FOCAD: variants seen among roughly 807,000 people sequenced by gnomAD.
FOCAD encodes the protein KIAA1797.
Under a neutral mutation model 225.6 loss-of-function variants are expected in FOCAD, and 198 were observed. That is an observed-to-expected ratio of 0.88 (90% CI 0.78 to 0.99). FOCAD has a LOEUF of 0.99. FOCAD is among the 50% of genes least tolerant of loss of function. The probability of loss-of-function intolerance (pLI) is 0.00; values close to 1 mark genes in which losing one functional copy is unlikely to be tolerated. For synonymous variants in FOCAD, 897 were observed against 755.0 expected (o/e 1.19, Z -3.08); for missense variants, 2,713 against 2,123.6 (o/e 1.28, Z -5.46).
chr9:20,716,465 G>A (rs1825345359), intron 2 of FOCAD, among the ~76,000 whole-genome samples: 1 of 152,112 alleles, frequency 6.6e-6, no homozygotes, highest in Admixed American at 6.5e-5. Context: ...GTTTAGGCTA[G>A]TATCTCTGAT....
intron 7 of FOCAD, among the ~76,000 whole-genome samples, chr9:20,765,300 T>C (rs1829962011): frequency 6.6e-6 from 1 of 152,186 alleles, no homozygotes; most frequent in Non-Finnish European, 1.5e-5. Flanking sequence ...TAAATCGACA[T>C]AGTCCATTCT....
chr9:20,832,195 A>G (rs1587340133), intron 15 of FOCAD, among the ~76,000 whole-genome samples: 1 of 151,842 alleles, frequency 6.6e-6, no homozygotes, highest in East Asian at 1.9e-4. Flanking sequence ...TTTTTGGTGT[A>G]TATCTAAGAG....
At chr9:20,674,983 G>C (rs1822190764) in intron 2 of FOCAD, among the ~76,000 whole-genome samples, 1 of 152,216 alleles carries the variant, frequency 6.6e-6, no homozygotes, top group Non-Finnish European at 1.5e-5. Flanking sequence ...GAAGCAGCAA[G>C]AGAACAAATT....
At chr9:20,837,348 C>G (rs1344589343) in intron 15 of FOCAD, among the ~76,000 whole-genome samples, 1 of 152,028 alleles carries the variant, frequency 6.6e-6, no homozygotes, top group Non-Finnish European at 1.5e-5. Context: ...AAAGATCAAA[C>G]AAGCTGGACA....
At chr9:20,767,617 T>C (rs1378270310) in intron 7 of FOCAD, among the ~76,000 whole-genome samples, 2 of 149,568 alleles carry the variant, frequency 1.3e-5, no homozygotes, top group Admixed American at 1.3e-4. Flanking sequence ...GCTGCATAAA[T>C]GTCTTCTTTT....
intron 1 of FOCAD, among the ~76,000 whole-genome samples, chr9:20,689,959 ACCTTTTCCTGGTCTTTGAATT>A (rs1394935074): frequency 6.6e-6 from 1 of 152,190 alleles, no homozygotes; most frequent in Non-Finnish European, 1.5e-5. Context: ...GCTTTGATGT[ACCTTTTCCTGGTCTTTGAATT>A]CCCAAAATAC....
chr9:20,852,940 T>C (rs1233067537), intron 15 of FOCAD, among the ~76,000 whole-genome samples: 5 of 151,766 alleles, frequency 3.3e-5, no homozygotes, highest in Admixed American at 2.0e-4. Context: ...TTATTTTCCT[T>C]TATTATCTTG....
intron 2 of FOCAD, among the ~76,000 whole-genome samples, chr9:20,717,592 A>G (rs1004073155): frequency 2.0e-5 from 3 of 152,218 alleles, no homozygotes; most frequent in Non-Finnish European, 4.4e-5. Context: ...TGGGATAGAT[A>G]TGCCTACCTT....
At chr9:20,923,894 G>A (rs1198441580) in intron 25 of FOCAD, 126 bp downstream of exon 25, 1 of 695,118 alleles carries the variant, frequency 1.4e-6, no homozygotes, top group Admixed American at 2.4e-5. Flanking sequence ...GTACTTGATG[G>A]GCCTTTATAC....
chr9:20,894,651 T>C (rs1831915759), intron 21 of FOCAD, among the ~76,000 whole-genome samples: 1 of 152,122 alleles, frequency 6.6e-6, no homozygotes, highest in Non-Finnish European at 1.5e-5. Context: ...TGTCTATTTC[T>C]TTGGCCCATT....
At chr9:20,733,654 G>A (rs201402215) in intron 4 of FOCAD, among the ~76,000 whole-genome samples, 162 of 152,158 alleles carry the variant, frequency 1.1e-3, no homozygotes, top group African/African-American at 3.6e-3. Context: ...ATGATTTCCA[G>A]TTTCATCCAT....
chr9:20,965,093 C>T (rs930163925), intron 35 of FOCAD, among the ~76,000 whole-genome samples: 28 of 151,968 alleles, frequency 1.8e-4, no homozygotes, highest in African/African-American at 6.3e-4. Flanking sequence ...GGAAGAACAC[C>T]GAAGCTTAAG....
At chr9:20,904,796 T>C (rs1285795154) in intron 21 of FOCAD, among the ~76,000 whole-genome samples, 3 of 152,044 alleles carry the variant, frequency 2.0e-5, no homozygotes, top group Admixed American at 6.6e-5. Context: ...TTTGAACTTA[T>C]TTTGTTGATT....
chr9:20,975,184 A>G (rs1840122546), intron 35 of FOCAD, among the ~76,000 whole-genome samples: 2 of 152,004 alleles, frequency 1.3e-5, no homozygotes, highest in African/African-American at 4.8e-5. Flanking sequence ...AATGTGTTAT[A>G]CTATTTCTGG....
intron 4 of FOCAD, among the ~76,000 whole-genome samples, chr9:20,733,298 T>C (rs1826864724): frequency 6.6e-6 from 1 of 152,124 alleles, no homozygotes; most frequent in Non-Finnish European, 1.5e-5. Flanking sequence ...GGTTATTTCA[T>C]TGTTTATTTC....
chr9:20,820,820 A>G (rs776023201), intron 13 of FOCAD, 121 bp from the exon 14 acceptor site: 2 of 1,073,316 alleles, frequency 1.9e-6, no homozygotes, highest in Non-Finnish European at 2.7e-6. Context: ...GATTAGAAGA[A>G]CGACAGTATA....
At chr9:20,836,174 G>A (rs929957367) in intron 15 of FOCAD, among the ~76,000 whole-genome samples, 1 of 152,060 alleles carries the variant, frequency 6.6e-6, no homozygotes, top group African/African-American at 2.4e-5. Flanking sequence ...CAAGGTTTTA[G>A]GGAGTTAGTG....
chr9:20,941,627 A>G (rs1836666207), intron 28 of FOCAD, among the ~76,000 whole-genome samples: 1 of 152,212 alleles, frequency 6.6e-6, no homozygotes, highest in Admixed American at 6.5e-5. Context: ...ATATACTCTG[A>G]TAATAGATTC....
Position 20,986,298 on chromosome 9 carries a change from A to C in FOCAD, c.4739A>C (p.Glu1580Ala), listed in dbSNP as rs1429376944. The C allele has an allele frequency of 1.9e-6, 1 of 533,580 alleles. No individual in the cohort carries two copies. The highest frequency in any genetic ancestry group is 2.5e-6 in the Non-Finnish European group (1 of 402,848). 33.1% of individuals were successfully genotyped at this position (533,580 alleles called of 1,614,324 possible). A position where few individuals can be genotyped will look rare whatever the true frequency, so the allele number is the denominator to read the frequency against. Residue 1580 changes from glutamate to alanine, a missense_variant, in exon 40 of 44, where the codon GAA becomes GCA. By Grantham distance (107) the Glu-to-Ala change is moderately radical. Transcript: ENST00000338382. The stretch of plus-strand genomic sequence containing the variant: ...TTTTTTTTTTTGCAGAGCAACATAG[A>C]AAAAGCTGCCTTTGTCAAACTGTAC... ...RIAQVTKSNI[E>A]KAAFVKLYLV... is the part of the protein sequence containing the mutation.
Sources: gnomAD v4.1 joint callset for allele counts (sites outside exome capture counted in the v4.1 genomes callset) on GRCh38, gnomAD v4.1.1 for gene constraint, MANE v1.5 for transcripts, NCBI Gene and HGNC (gene_info 2026-07-23, HGNC 2026-07-21) for gene names.